The following M1AP variants were observed in gnomAD, a reference collection of about 807,000 sequenced individuals.
The protein encoded by M1AP is meiosis 1 arrest protein.
Under a neutral mutation model 51.2 loss-of-function variants are expected in M1AP, and 39 were observed. The observed-to-expected ratio is 0.76, with a 90% CI of 0.59 to 1.00. The LOEUF (loss-of-function observed/expected upper bound fraction) is 1.00, where lower values mean the gene tolerates loss of function less well. M1AP is among the 50% of genes least tolerant of loss of function. The pLI is 0.00. For missense variants in M1AP, 545 were observed against 641.2 expected, an observed-to-expected ratio of 0.85 and a Z score of 1.62; for synonymous variants, 251 against 249.2, an observed-to-expected ratio of 1.01 and a Z score of -0.07.
At chr2:74,641,830 G>A (rs1683314492) in intron 1 of M1AP, among the ~76,000 whole-genome samples, 1 of 149,938 alleles carries the variant, frequency 6.7e-6, no homozygotes, top group Non-Finnish European at 1.5e-5. Context: ...TATATAACAG[G>A]ATACACTCCT....
At chr2:74,571,738 T>C (rs1254931881) in intron 7 of M1AP, among the ~76,000 whole-genome samples, 1 of 152,176 alleles carries the variant, frequency 6.6e-6, no homozygotes, top group Non-Finnish European at 1.5e-5. Context: ...GGCTCACACC[T>C]GTAATCCCAA....
intron 3 of M1AP, among the ~76,000 whole-genome samples, chr2:74,609,994 A>G (rs969266342): frequency 6.7e-6 from 1 of 150,238 alleles, no homozygotes; most frequent in Non-Finnish European, 1.5e-5. Flanking sequence ...GTAGGCTCTT[A>G]CTTCACTCTA....
chr2:74,588,817 C>G (rs1367403097), intron 4 of M1AP, among the ~76,000 whole-genome samples: 3 of 152,168 alleles, frequency 2.0e-5, no homozygotes, highest in Non-Finnish European at 2.9e-5. Context: ...GAACTCTTCT[C>G]AGAGAGAGAG....
chr2:74,589,543 TG>T (rs1359237102), intron 4 of M1AP, among the ~76,000 whole-genome samples: 1 of 152,206 alleles, frequency 6.6e-6, no homozygotes, highest in Non-Finnish European at 1.5e-5. Flanking sequence ...TGTTTGAAGG[TG>T]TGCCCAAGCT....
rs537227831 is a variant in M1AP, at chr2:74,637,435, A to C, written c.240+2601T>G. 3.3e-5 allele frequency among the ~76,000 whole-genome samples: 5 copies of C among 152,348 alleles called. No individual in the cohort carries two copies. In the South Asian group the frequency reaches 1.0e-3, roughly 32 times the overall value. ...GTCAGTTTTAATTAATAATTTCTTCATAATGAGTCATAATTTCCTGCTTCT... is the reference window on the plus strand; with the variant it reads ...GTCAGTTTTAATTAATAATTTCTTCCTAATGAGTCATAATTTCCTGCTTCT... On this transcript the variant is annotated intron_variant, in intron 2 of 10. Coordinates refer to ENST00000421985, the MANE Select transcript of M1AP (RefSeq NM_001321739.2).
intron 8 of M1AP, among the ~76,000 whole-genome samples, chr2:74,560,894 G>A (rs984266597): frequency 6.6e-6 from 1 of 152,122 alleles, no homozygotes; most frequent in African/African-American, 2.4e-5. Context: ...CCCAGGCCTT[G>A]TCCTTGCTGC....
intron 2 of M1AP, among the ~76,000 whole-genome samples, chr2:74,637,899 T>C (rs936010892): frequency 1.3e-5 from 2 of 152,170 alleles, no homozygotes; most frequent in Non-Finnish European, 2.9e-5. Flanking sequence ...TATAGAGTTC[T>C]GTATGTAGCT....
intron 2 of M1AP, chr2:74,619,008 T>C (rs1206980929): frequency 3.8e-6 from 2 of 525,580 alleles, no homozygotes; most frequent in Non-Finnish European, 7.8e-6. Context: ...TTCATGCATA[T>C]TTTCACGTCT....
rs1449647458 is a variant in M1AP, at chr2:74,618,230, C to G, written c.241-3081G>C. Among the ~76,000 whole-genome samples the G allele has an allele frequency of 2.0e-5, 3 of 152,316 alleles. No homozygotes were observed. The East Asian group carries it at 5.8e-4, about 29-fold the overall frequency. ...TCAGCAGCCACAGCAATGGACCTGT[C>G]TGCCCTGCTCTGCAGAGACCTCAGA... On this transcript the variant is annotated intron_variant, in intron 2 of 10. Transcript: ENST00000421985.
intron 4 of M1AP, among the ~76,000 whole-genome samples, chr2:74,587,233 C>T (rs898156888): frequency 5.3e-5 from 8 of 150,922 alleles, no homozygotes; most frequent in African/African-American, 2.0e-4. Context: ...GAGTCTCGCT[C>T]TGTCCCCCAG....
Position 74,639,591 on chromosome 2 carries a change from T to C in M1AP, c.240+445A>G, listed in dbSNP as rs1039533784. Among the ~76,000 whole-genome samples, 3 of 152,240 alleles carry C rather than the reference T, an allele frequency of 2.0e-5. No individual in the cohort carries two copies. The East Asian group carries it at 5.8e-4, about 29-fold the overall frequency. ...GAAAAAATATTTTCATGTTTTTGCATAGTTAGGGCTTTCTGAGCAAAGAAA... is the reference window on the plus strand; with the variant it reads ...GAAAAAATATTTTCATGTTTTTGCACAGTTAGGGCTTTCTGAGCAAAGAAA... On this transcript the variant is annotated intron_variant, in intron 2 of 10. Coordinates refer to ENST00000421985, the MANE Select transcript of M1AP (RefSeq NM_001321739.2).
chr2:74,583,662 T>A (rs1407813208), intron 4 of M1AP, among the ~76,000 whole-genome samples: 1 of 152,218 alleles, frequency 6.6e-6, no homozygotes, highest in Non-Finnish European at 1.5e-5. Context: ...GTTGCTCCAA[T>A]GAATTAGCTT....
chr2:74,645,481 T>C (rs757805854), intron 1 of M1AP, among the ~76,000 whole-genome samples: 43 of 152,276 alleles, frequency 2.8e-4, no homozygotes, highest in Non-Finnish European at 5.7e-4. Context: ...CAGACCAAAT[T>C]GAGGACTAGC....
intron 4 of M1AP, among the ~76,000 whole-genome samples, 179 bp from the exon 5 acceptor site, chr2:74,582,026 C>T (rs1180048247): frequency 6.6e-6 from 1 of 152,206 alleles, no homozygotes; most frequent in Non-Finnish European, 1.5e-5. Flanking sequence ...AATGCCTGGG[C>T]TCTAGCAATC....
At chr2:74,639,924 G>T in intron 2 of M1AP, 112 bp downstream of exon 2, 1 of 917,530 alleles carries the variant, frequency 1.1e-6, no homozygotes, top group Non-Finnish European at 1.7e-6. Flanking sequence ...TACTGTGTGT[G>T]GAGAAGTAGT....
intron 2 of M1AP, among the ~76,000 whole-genome samples, chr2:74,623,000 A>C (rs1682157105): frequency 6.6e-6 from 1 of 151,896 alleles, no homozygotes; most frequent in Non-Finnish European, 1.5e-5. Flanking sequence ...AAATGGGAGA[A>C]GCAAGCAAAG....
chr2:74,614,887 G>A (rs901279739), intron 3 of M1AP, 77 bp downstream of exon 3: 1 of 1,318,910 alleles, frequency 7.6e-7, no homozygotes, highest in Non-Finnish European at 1.1e-6. Flanking sequence ...ATAGAACAAT[G>A]TAAAGATGAT....
At chr2:74,570,258 G>A (rs953998561) in intron 7 of M1AP, among the ~76,000 whole-genome samples, 1 of 152,178 alleles carries the variant, frequency 6.6e-6, no homozygotes, top group South Asian at 2.1e-4. Context: ...TGATTCCACA[G>A]TCCAGGATTT....
At chr2:74,630,119 T>C (rs1682618510) in intron 2 of M1AP, among the ~76,000 whole-genome samples, 1 of 152,116 alleles carries the variant, frequency 6.6e-6, no homozygotes, top group Non-Finnish European at 1.5e-5. Context: ...AACTTTTTTG[T>C]AGAGGTGAGG....
Sources: allele counts gnomAD v4.1 joint callset (sites outside exome capture counted in the v4.1 genomes callset), GRCh38; gene constraint gnomAD v4.1.1; transcripts MANE v1.5; gene names NCBI Gene and HGNC (gene_info 2026-07-23, HGNC 2026-07-21).